Variants in CCND3 observed in about 807,000 individuals in gnomAD.
The protein encoded by CCND3 is G1/S-specific cyclin-D3.
CCND3 carries 9 observed loss-of-function variants against 28.7 expected under a neutral mutation model. The observed-to-expected ratio is 0.31, with a 90% CI of 0.19 to 0.55. The LOEUF (loss-of-function observed/expected upper bound fraction) is 0.55, where lower values mean the gene tolerates loss of function less well. CCND3 is among the 20% of genes least tolerant of loss of function. The pLI is 0.93. For missense variants in CCND3, 315 were observed against 385.8 expected (o/e 0.82, Z 1.54); for synonymous variants, 164 against 163.9 (o/e 1.00, Z 0.00).
rs760616733 is a variant in CCND3, at chr6:41,936,111, G to A, written c.712-4C>T. ...CCTGACAGGCCCGCAGGCAGTCCTGGGAACATGGGAGAAGAGTGAGGAGCA... is the reference window on the plus strand; with the variant it reads ...CCTGACAGGCCCGCAGGCAGTCCTGAGAACATGGGAGAAGAGTGAGGAGCA... On this transcript the variant is annotated splice_region_variant and splice_polypyrimidine_tract_variant and intron_variant, in intron 4 of 4. Coordinates refer to ENST00000372991, the MANE Select transcript of CCND3 (RefSeq NM_001760.5). This position sits in a 1 kb window ranked among gnomAD's most constrained non-coding sequence, Gnocchi z 4.4. 1.2e-5 allele frequency: 19 copies of A among 1,576,040 alleles called. No homozygotes were observed. The East Asian group carries it at 4.3e-4, about 35-fold the overall frequency.
chr6:41,998,828 T>A (rs968749213), intron 1 of CCND3, among the ~76,000 whole-genome samples: 1 of 151,438 alleles, frequency 6.6e-6, no homozygotes, highest in African/African-American at 2.4e-5. Flanking sequence ...TATAGGCATG[T>A]GCCACCACAC....
chr6:42,026,911 G>T (rs1763891483), intron 1 of CCND3, among the ~76,000 whole-genome samples: 1 of 152,194 alleles, frequency 6.6e-6, no homozygotes, highest in Non-Finnish European at 1.5e-5. Context: ...CCACCAAGGG[G>T]TCAGATCACC....
intron 1 of CCND3, among the ~76,000 whole-genome samples, chr6:41,951,681 A>G (rs1456018003): frequency 1.3e-5 from 2 of 152,052 alleles, no homozygotes; most frequent in Non-Finnish European, 2.9e-5. Flanking sequence ...AGTGTGGCAC[A>G]ACACCCCTGA....
At chr6:42,044,388 C>T (rs555233534) in intron 1 of CCND3, among the ~76,000 whole-genome samples, 2 of 152,336 alleles carry the variant, frequency 1.3e-5, no homozygotes, top group African/African-American at 4.8e-5. Context: ...CACGGGGCAA[C>T]AGCTCCACCT....
At position 41,935,875 on chromosome 6, in the gene CCND3, G is replaced by T. The variant is rs752943795; in HGVS notation, c.*65C>A. On this transcript the variant is annotated 3_prime_UTR_variant, in exon 5 of 5. Coordinates refer to ENST00000372991, the MANE Select transcript of CCND3 (RefSeq NM_001760.5). ...CTTAGATGTGGTGTGGTTCCTGGAG[G>T]CAGGGAGGTGGGTGGCAGCGGCCCC... 6.3e-5 allele frequency: 92 copies of T among 1,452,462 alleles called. No individual in the cohort carries two copies. The African/African-American group carries it at 1.2e-3, about 19-fold the overall frequency. 90.0% of individuals were successfully genotyped at this position (1,452,462 alleles called of 1,614,324 possible).
At chr6:42,004,551 T>C (rs1302746878) in intron 1 of CCND3, among the ~76,000 whole-genome samples, 4 of 151,904 alleles carry the variant, frequency 2.6e-5, no homozygotes, top group African/African-American at 7.3e-5. Context: ...GCCAAGATGG[T>C]GAAATGCTGT....
At chr6:41,962,265 A>C (rs1309447516) in intron 1 of CCND3, among the ~76,000 whole-genome samples, 2 of 151,908 alleles carry the variant, frequency 1.3e-5, no homozygotes, top group Non-Finnish European at 2.9e-5. Context: ...CACCCTGGCT[A>C]ATTTTTATAT....
At chr6:42,019,521 T>G in intron 1 of CCND3, among the ~76,000 whole-genome samples, 1 of 143,330 alleles carries the variant, frequency 7.0e-6, no homozygotes, top group Admixed American at 7.0e-5. Context: ...AAAGGAAATA[T>G]AACACCAGGC....
chr6:42,023,755 T>A (rs1183929415), intron 1 of CCND3, among the ~76,000 whole-genome samples: 1 of 151,864 alleles, frequency 6.6e-6, no homozygotes, highest in African/African-American at 2.4e-5. Context: ...AAGCAAAAAA[T>A]ACAGGATGCA....
intron 1 of CCND3, among the ~76,000 whole-genome samples, chr6:41,990,232 T>C (rs1762608105): frequency 6.6e-6 from 1 of 152,032 alleles, no homozygotes; most frequent in Non-Finnish European, 1.5e-5. Context: ...AAATAAATTT[T>C]ACCAAGGAGG....
At chr6:41,944,523 G>C (rs1379761035), upstream of CCND3, among the ~76,000 whole-genome samples, 2 of 152,082 alleles carry the variant, frequency 1.3e-5, no homozygotes, top group Non-Finnish European at 2.9e-5. Context: ...CTGGTTTCAA[G>C]TGATTCTCCT....
chr6:42,015,910 C>T (rs1425464449), intron 1 of CCND3, among the ~76,000 whole-genome samples: 2 of 151,382 alleles, frequency 1.3e-5, no homozygotes, highest in Non-Finnish European at 1.5e-5. Context: ...TTCACGTATA[C>T]AATACGTTTT....
upstream of CCND3, among the ~76,000 whole-genome samples, chr6:42,049,485 G>C (rs1386780387): frequency 6.6e-6 from 1 of 152,246 alleles, no homozygotes; most frequent in Non-Finnish European, 1.5e-5. Context: ...GCTAGTGTTA[G>C]GATCCAAGCC....
chr6:41,954,154 G>C (rs889097294), intron 1 of CCND3, among the ~76,000 whole-genome samples: 3 of 149,348 alleles, frequency 2.0e-5, no homozygotes, highest in Non-Finnish European at 4.4e-5. Flanking sequence ...CAGAGGCTGA[G>C]GCAGGAGAAT....
rs1029896816 is a variant in CCND3, at chr6:41,965,087, T to G, written c.-45-24502A>C. Among the ~76,000 whole-genome samples the G allele has an allele frequency of 1.4e-3, 93 of 64,282 alleles. 1 individual carries two copies. In the East Asian group the frequency reaches 0.037, roughly 26 times the overall value. The allele number at this position is 64,282 out of a possible 152,430, so 42.2% of individuals were successfully genotyped here. ...TTTTTTTTTTTTTTTTTTTTTTTTT[T>G]GACAGAGTTTCGCTCTTTGTTGCCC... On this transcript the variant is annotated intron_variant, in intron 1 of 4. Coordinates refer to the CCND3 transcript ENST00000372988.
intron 1 of CCND3, among the ~76,000 whole-genome samples, chr6:41,951,509 C>G (rs2127400004): frequency 2.2e-5 from 3 of 137,370 alleles, no homozygotes; most frequent in African/African-American, 8.2e-5. Flanking sequence ...TTGCAGTGAG[C>G]TGAGATCATG....
At chr6:42,000,803 G>T (rs1005087198) in intron 1 of CCND3, among the ~76,000 whole-genome samples, 3 of 148,676 alleles carry the variant, frequency 2.0e-5, no homozygotes, top group African/African-American at 7.4e-5. Flanking sequence ...CCGACCTCAG[G>T]TGATCCGCCT....
intron 1 of CCND3, among the ~76,000 whole-genome samples, chr6:42,003,577 GTC>G (rs1412048141): frequency 8.4e-6 from 1 of 118,948 alleles, no homozygotes; most frequent in Non-Finnish European, 1.7e-5. Context: ...AGCAGAATAA[GTC>G]TTAAGGAGAA....
At chr6:41,999,024 A>C (rs1451135418) in intron 1 of CCND3, among the ~76,000 whole-genome samples, 2 of 152,032 alleles carry the variant, frequency 1.3e-5, no homozygotes, top group African/African-American at 4.8e-5. Flanking sequence ...TAAAACCCAG[A>C]GAGGTATTAC....
Sources: gnomAD v4.1 joint callset for allele counts (sites outside exome capture counted in the v4.1 genomes callset) on GRCh38, gnomAD v4.1.1 for gene constraint, Gnocchi (gnomAD v3.1) non-coding constraint, MANE v1.5 for transcripts, NCBI Gene and HGNC (gene_info 2026-07-23, HGNC 2026-07-21) for gene names.